Variants in CFAP77 observed in about 807,000 individuals in gnomAD.
CFAP77 encodes the protein cilia- and flagella-associated protein 77.
Under a neutral mutation model 31.1 loss-of-function variants are expected in CFAP77, and 25 were observed. The ratio of observed to expected loss-of-function variants is 0.80; its 90% confidence interval spans 0.59 to 1.12. The LOEUF (loss-of-function observed/expected upper bound fraction) is 1.12. Among genes scored for constraint, CFAP77 ranks in the 50% most tolerant of loss-of-function variants. The pLI, the probability that CFAP77 is intolerant of heterozygous loss-of-function variation, is 0.00. For synonymous variants in CFAP77, 151 were observed against 159.9 expected (o/e 0.94, Z 0.42); for missense variants, 377 against 397.3 (o/e 0.95, Z 0.44).
intron 1 of CFAP77, among the ~76,000 whole-genome samples, chr9:132,427,388 C>A (rs1355627167): frequency 6.6e-6 from 1 of 152,172 alleles, no homozygotes; most frequent in Non-Finnish European, 1.5e-5. Flanking sequence ...TAAGACTTCT[C>A]CGGTCCTTCT....
In CFAP77 at chr9:132,449,294, CTGCACTCACCCTCCTCTCCTACTCCTGG is replaced by C. The variant is rs1205925958; in HGVS notation, c.195+38829_195+38856del. Reference sequence around the variant, plus strand: ...ACTCACCCTCCTCTCCTACTCCTGGCTGCACTCACCCTCCTCTCCTACTCCTGGCTGCACTCACCCTCCTCTCCTACTC... The same window carrying C: ...ACTCACCCTCCTCTCCTACTCCTGGCCTGCACTCACCCTCCTCTCCTACTC... On this transcript the variant is annotated intron_variant, in intron 1 of 5. Transcript: ENST00000393216. 3.5e-3 allele frequency among the ~76,000 whole-genome samples: 277 copies of C among 78,060 alleles called. 1 individual carries two copies. Among genetic ancestry groups the C allele is most frequent in the African/African-American group, 0.013 (242 of 19,328 alleles). 51.2% of individuals were successfully genotyped at this position (78,060 alleles called of 152,430 possible).
chr9:132,546,187 C>T (rs1852725193), intron 5 of CFAP77, among the ~76,000 whole-genome samples: 1 of 152,202 alleles, frequency 6.6e-6, no homozygotes. Context: ...ACCTGCTGAG[C>T]CTCCCCTTTC....
intron 1 of CFAP77, among the ~76,000 whole-genome samples, chr9:132,459,841 G>A (rs1288813578): frequency 6.7e-6 from 1 of 148,518 alleles, no homozygotes; most frequent in African/African-American, 2.5e-5. Flanking sequence ...ATGTGTGGGA[G>A]TATTGTGAGT....
At position 132,532,223 on chromosome 9, in the gene CFAP77, G is replaced by GC. The variant is rs534069001; in HGVS notation, c.525-5374dup. ...TTTGCTCAGACAGAATCCCAGCTCA[G>GC]CCCCGGCCCAAAGAGAGCTGCGTGG... On this transcript the variant is annotated intron_variant, in intron 3 of 5. Coordinates refer to ENST00000393216, the MANE Select transcript of CFAP77 (RefSeq NM_001282957.2). Among the ~76,000 whole-genome samples the GC allele has an allele frequency of 3.3e-5, 5 of 152,326 alleles. No homozygotes were observed. The South Asian group carries it at 1.0e-3, about 32-fold the overall frequency.
intron 1 of CFAP77, among the ~76,000 whole-genome samples, chr9:132,486,037 TATA>T (rs1342577965): frequency 0.11 from 5,873 of 55,364 alleles, 1,122 homozygotes; most frequent in Non-Finnish European, 0.13. Context: ...TATATATATA[TATA>T]TGTATGTATA....
intron 1 of CFAP77, among the ~76,000 whole-genome samples, chr9:132,414,847 A>G (rs570210301): frequency 2.0e-5 from 3 of 152,326 alleles, no homozygotes; most frequent in African/African-American, 2.4e-5. Context: ...ATTTAGAGCC[A>G]GTGTGTTCAA....
At chr9:132,487,188 A>C (rs775378469) in intron 1 of CFAP77, among the ~76,000 whole-genome samples, 3 of 152,100 alleles carry the variant, frequency 2.0e-5, no homozygotes, top group Non-Finnish European at 4.4e-5. Context: ...ACCATGAAAC[A>C]CTCTACATAC....
intron 1 of CFAP77, among the ~76,000 whole-genome samples, chr9:132,442,169 G>A (rs1217089286): frequency 6.6e-6 from 1 of 152,142 alleles, no homozygotes; most frequent in Non-Finnish European, 1.5e-5. Flanking sequence ...ACAAGGAATT[G>A]CAGTGGGGAT....
chr9:132,463,895 G>A (rs1047220428), intron 1 of CFAP77, among the ~76,000 whole-genome samples: 3 of 152,172 alleles, frequency 2.0e-5, no homozygotes, highest in African/African-American at 7.2e-5. Context: ...CCCTGAACTC[G>A]GCCCAGGATG....
intron 3 of CFAP77, among the ~76,000 whole-genome samples, chr9:132,533,244 G>C (rs1852488676): frequency 1.3e-5 from 2 of 152,228 alleles, no homozygotes; most frequent in Admixed American, 1.3e-4. Context: ...TCATGTTCCG[G>C]TCACTGGCCG....
At chr9:132,544,496 T>A (rs1852702427) in intron 5 of CFAP77, among the ~76,000 whole-genome samples, 1 of 138,264 alleles carries the variant, frequency 7.2e-6, no homozygotes, top group Non-Finnish European at 1.5e-5. Context: ...GCCTATTTTT[T>A]TTTTTTTTTT....
chr9:132,529,683 G>A (rs1189472694), intron 3 of CFAP77, among the ~76,000 whole-genome samples: 3 of 151,640 alleles, frequency 2.0e-5, no homozygotes, highest in African/African-American at 2.4e-5. Context: ...AATATTAGCT[G>A]GGCGTGGTGG....
At chr9:132,566,862 C>T (rs938323515) in intron 5 of CFAP77, among the ~76,000 whole-genome samples, 1 of 152,360 alleles carries the variant, frequency 6.6e-6, no homozygotes. Context: ...ACATTCAAGT[C>T]CCTCCTGGCA....
At chr9:132,502,263 A>T (rs11791102) in intron 3 of CFAP77, among the ~76,000 whole-genome samples, 106 of 103,488 alleles carry the variant, frequency 1.0e-3, no homozygotes, top group Admixed American at 1.2e-3. Flanking sequence ...ATATATATAT[A>T]TATTTTTTTT....
intron 1 of CFAP77, chr9:132,482,379 C>CCTT (rs774222969): frequency 6.2e-7 from 1 of 1,613,956 alleles, no homozygotes; most frequent in Admixed American, 1.7e-5. Context: ...GAAAGTTATT[C>CCTT]CTTCCCTTGC....
intron 1 of CFAP77, among the ~76,000 whole-genome samples, chr9:132,443,256 T>A (rs373986250): frequency 6.6e-6 from 1 of 151,776 alleles, no homozygotes; most frequent in East Asian, 1.9e-4. Context: ...GTTTTATTTT[T>A]GTTTTTTTTT....
chr9:132,515,103 T>C (rs1589899483), intron 3 of CFAP77, among the ~76,000 whole-genome samples: 1 of 151,702 alleles, frequency 6.6e-6, no homozygotes, highest in Admixed American at 6.6e-5. Context: ...TTGGCGGGGG[T>C]GGGGGAGGCA....
At position 132,572,898 on chromosome 9, in the gene CFAP77, G is replaced by T; in HGVS notation, c.*388G>T. On this transcript the variant is annotated 3_prime_UTR_variant, in exon 6 of 6. Coordinates refer to ENST00000393216, the MANE Select transcript of CFAP77 (RefSeq NM_001282957.2). ...AGTGTTAAGAACGACCTGTGTATTT[G>T]CTGCAGAAAGCATGACAGTGACGTG... 4.9e-6 allele frequency: 1 copy of T among 205,362 alleles called. No individual in the cohort carries two copies. Among genetic ancestry groups the T allele is most frequent in the South Asian group, 1.6e-4 (1 of 6,310 alleles). 12.7% of individuals were successfully genotyped at this position (205,362 alleles called of 1,614,324 possible).
intron 1 of CFAP77, among the ~76,000 whole-genome samples, chr9:132,461,302 G>C (rs1449118369): frequency 3.3e-5 from 5 of 152,250 alleles, no homozygotes; most frequent in Non-Finnish European, 5.9e-5. Context: ...GACGAGGTGT[G>C]TGGCCAAGGG....
Sources: allele counts gnomAD v4.1 joint callset (sites outside exome capture counted in the v4.1 genomes callset), GRCh38; gene constraint gnomAD v4.1.1; transcripts MANE v1.5; gene names NCBI Gene and HGNC (gene_info 2026-07-23, HGNC 2026-07-21).